Variants in SHPRH observed in about 807,000 individuals in gnomAD.
The protein encoded by SHPRH is E3 ubiquitin-protein ligase SHPRH.
SHPRH carries 106 observed loss-of-function variants against 202.5 expected under a neutral mutation model. The ratio of observed to expected loss-of-function variants is 0.52; its 90% CI spans 0.45 to 0.62. The LOEUF (loss-of-function observed/expected upper bound fraction) is 0.62, where lower values mean the gene tolerates loss of function less well. SHPRH is among the 20% of genes least tolerant of loss of function. The pLI is 0.00. For synonymous variants in SHPRH, 729 were observed against 686.0 expected, an observed-to-expected ratio of 1.06 and a Z score of -0.98; for missense variants, 1,710 against 2,020.0, an observed-to-expected ratio of 0.85 and a Z score of 2.94.
chr6:145,860,961 T>G (rs964394734), downstream of SHPRH, among the ~76,000 whole-genome samples: 1 of 151,950 alleles, frequency 6.6e-6, no homozygotes, highest in South Asian at 2.1e-4. Flanking sequence ...AGCATGAAAG[T>G]GGGCCCTATA....
At chr6:145,912,255 G>A (rs975248795) in intron 24 of SHPRH, among the ~76,000 whole-genome samples, 1 of 151,024 alleles carries the variant, frequency 6.6e-6, no homozygotes, top group Non-Finnish European at 1.5e-5. Flanking sequence ...GAGAACTGGG[G>A]ATCCAAAAAG....
chr6:145,932,811 T>A (rs758187165), intron 14 of SHPRH, among the ~76,000 whole-genome samples: 11 of 152,096 alleles, frequency 7.2e-5, no homozygotes, highest in Admixed American at 5.9e-4. Flanking sequence ...GTATCCTCAT[T>A]TCCTTAAAAA....
At chr6:145,895,077 A>G in intron 25 of SHPRH, 100 bp from the exon 26 acceptor site, 2 of 993,468 alleles carry the variant, frequency 2.0e-6, no homozygotes, top group Non-Finnish European at 3.0e-6. Context: ...AAAACTATAA[A>G]TGCATCAAAA....
At chr6:145,866,957 C>T (rs746163493) in intron 2 of SHPRH, among the ~76,000 whole-genome samples, 2 of 152,140 alleles carry the variant, frequency 1.3e-5, no homozygotes, top group Non-Finnish European at 2.9e-5. Context: ...AAAAATCTTA[C>T]AGTGAATATA....
At chr6:145,916,790 C>T (rs1390687174) in intron 23 of SHPRH, among the ~76,000 whole-genome samples, 1 of 149,270 alleles carries the variant, frequency 6.7e-6, no homozygotes, top group African/African-American at 2.5e-5. Context: ...TTCCTGTTAT[C>T]TTTTTTTTTT....
At chr6:145,859,797 G>C (rs1047084559), downstream of SHPRH, among the ~76,000 whole-genome samples, 3 of 151,962 alleles carry the variant, frequency 2.0e-5, no homozygotes, top group African/African-American at 7.2e-5. Context: ...AAGAGTAGCA[G>C]AATGTGTTGG....
At chr6:145,917,823 T>G in intron 23 of SHPRH, 1 of 210,276 alleles carries the variant, frequency 4.8e-6, no homozygotes, top group Non-Finnish European at 9.3e-6. Flanking sequence ...TGTGTATAAA[T>G]TGCATTATGC....
chr6:145,927,092 G>T, intron 15 of SHPRH, 97 bp downstream of exon 15: 1 of 1,084,122 alleles, frequency 9.2e-7, no homozygotes. Context: ...CAGTGATTAT[G>T]ACTGTTTGTT....
Position 145,922,754 on chromosome 6 carries a change from C to A in SHPRH, c.3628G>T (p.Ala1210Ser). 6.2e-7 allele frequency: 1 copy of A among 1,612,124 alleles called. No individual in the cohort carries two copies. The stretch of plus-strand genomic sequence containing the variant: ...GGAGGTCCCTCCAGGTTTTTTACAG[C>A]CTCTCTTACTAGCTTCTGGCATTTA... ...LNKCQKLVRE[A>S]VKNLEGPPSR... The change falls in exon 19 of 30, where the codon GCT becomes TCT. Residue 1210 changes from alanine to serine, a missense_variant. Around this residue, in one of 8 missense-constraint regions of SHPRH, gnomAD observed 288 missense variants for 317.8 expected, o/e 0.91. Transcript: ENST00000275233.
intron 3 of SHPRH, chr6:145,951,780 T>C (rs1788001396): frequency 4.4e-6 from 2 of 456,042 alleles, no homozygotes; most frequent in Non-Finnish European, 4.4e-6. Flanking sequence ...CCTGAAATAA[T>C]GCTGACCCAC....
At chr6:145,940,907 T>A in intron 10 of SHPRH, 106 bp from the exon 11 acceptor site, 3 of 1,014,086 alleles carry the variant, frequency 3.0e-6, no homozygotes, top group Non-Finnish European at 4.5e-6. Context: ...GCTACACTTC[T>A]GGTGAGATGT....
intron 19 of SHPRH, 127 bp downstream of exon 19, chr6:145,922,536 T>G (rs1243720675): frequency 7.9e-7 from 1 of 1,264,022 alleles, no homozygotes; most frequent in Non-Finnish European, 1.1e-6. Context: ...GATTAATACA[T>G]CTCTTTCTAC....
downstream of SHPRH, among the ~76,000 whole-genome samples, chr6:145,861,778 T>A (rs1779588649): frequency 2.0e-5 from 3 of 152,098 alleles, no homozygotes; most frequent in African/African-American, 4.8e-5. Flanking sequence ...TGGATATAGA[T>A]GTAAATGTAG....
At chr6:145,901,041 C>G (rs1782460574) in intron 25 of SHPRH, among the ~76,000 whole-genome samples, 1 of 151,932 alleles carries the variant, frequency 6.6e-6, no homozygotes, top group South Asian at 2.1e-4. Context: ...TGATTCAATC[C>G]TTCCATAATA....
At chr6:145,865,059 A>G (rs1188060416) in intron 2 of SHPRH, among the ~76,000 whole-genome samples, 1 of 152,130 alleles carries the variant, frequency 6.6e-6, no homozygotes, top group African/African-American at 2.4e-5. Context: ...GTAAACTGCT[A>G]TAATTTCATT....
downstream of SHPRH, among the ~76,000 whole-genome samples, chr6:145,859,746 A>C (rs1779521798): frequency 6.6e-6 from 1 of 152,060 alleles, no homozygotes; most frequent in East Asian, 1.9e-4. Flanking sequence ...TGTTGTAACA[A>C]TACCCAAGCA....
At chr6:145,937,257 T>C (rs936929807) in intron 11 of SHPRH, among the ~76,000 whole-genome samples, 5 of 152,156 alleles carry the variant, frequency 3.3e-5, no homozygotes. Flanking sequence ...GTGCTGGGAT[T>C]AGAAGTGTGA....
intron 23 of SHPRH, among the ~76,000 whole-genome samples, chr6:145,915,279 A>G (rs563350199): frequency 2.0e-5 from 3 of 151,168 alleles, no homozygotes; most frequent in South Asian, 2.1e-4. Context: ...CTACTGACAT[A>G]TATTTTAGTT....
At chr6:145,951,509 GT>G (rs965603797) in intron 3 of SHPRH, among the ~76,000 whole-genome samples, 1 of 151,936 alleles carries the variant, frequency 6.6e-6, no homozygotes, top group African/African-American at 2.4e-5. Flanking sequence ...TAAATTTGAA[GT>G]TTTCCTTAGA....
Sources: gnomAD v4.1 joint callset for allele counts (sites outside exome capture counted in the v4.1 genomes callset) on GRCh38, gnomAD v4.1.1 for gene constraint, gnomAD v4.1.1 regional missense constraint, MANE v1.5 for transcripts, NCBI Gene and HGNC (gene_info 2026-07-23, HGNC 2026-07-21) for gene names.